TLN2: variants seen among roughly 807,000 people sequenced by gnomAD.
TLN2 encodes the protein talin 2, also known as talin-2.
In TLN2, 118 loss-of-function variants were observed where a neutral mutation model predicts 294.7. That is an observed-to-expected ratio of 0.40 (90% CI 0.34 to 0.47). The LOEUF (loss-of-function observed/expected upper bound fraction) is 0.47. Ranked by LOEUF, TLN2 falls within the 20% of genes least tolerant of loss-of-function variation. The pLI is 0.84. For synonymous variants in TLN2, 1,431 were observed against 1,304.5 expected, an observed-to-expected ratio of 1.10 and a Z score of -2.09; for missense variants, 3,083 against 3,282.2, an observed-to-expected ratio of 0.94 and a Z score of 1.48.
intron 2 of TLN2, among the ~76,000 whole-genome samples, chr15:62,598,426 C>T (rs1358038262): frequency 2.6e-5 from 4 of 152,078 alleles, no homozygotes; most frequent in Admixed American, 6.5e-5. Context: ...TTGTCCTTGT[C>T]GTGGGTGTGC....
At chr15:62,447,888 A>G (rs928222400) in intron 1 of TLN2, among the ~76,000 whole-genome samples, 1 of 152,152 alleles carries the variant, frequency 6.6e-6, no homozygotes, top group Non-Finnish European at 1.5e-5. Context: ...GTCCCATTAC[A>G]AGCCAATTCG....
intron 9 of TLN2, among the ~76,000 whole-genome samples, chr15:62,667,934 G>C (rs1024330647): frequency 6.6e-6 from 1 of 152,182 alleles, no homozygotes; most frequent in Non-Finnish European, 1.5e-5. Flanking sequence ...TATGTCCTCT[G>C]AGTGAAATAA....
At chr15:62,812,011 C>CAATG (rs1555517217) in intron 52 of TLN2, among the ~76,000 whole-genome samples, 1 of 130,676 alleles carries the variant, frequency 7.7e-6, no homozygotes, top group African/African-American at 2.9e-5. Flanking sequence ...GACTCCATCT[C>CAATG]AATAAATAAA....
chr15:62,675,422 A>G lies in TLN2; in HGVS notation c.957+101A>G. The G allele has an allele frequency of 3.3e-6, 4 of 1,203,952 alleles. No homozygotes were observed. In the South Asian group the frequency reaches 5.5e-5, roughly 17 times the overall value. The allele number at this position is 1,203,952 out of a possible 1,614,324, so 74.6% of individuals were successfully genotyped here. On this transcript the variant is annotated intron_variant, in intron 11 of 58. Transcript: ENST00000636159. ...CCTGGTTTGTCCTGCTCACCCCCCT[A>G]GCATTTGCGGGTGGAACATCTGGCT...
rs1031877387 is a variant in TLN2, at chr15:62,819,434, C to A, written c.6772-82C>A. On this transcript the variant is annotated intron_variant, in intron 52 of 58. Coordinates refer to ENST00000636159, the MANE Select transcript of TLN2 (RefSeq NM_015059.3). Reference sequence around the variant, plus strand: ...CTTAAAACCAGGCTGCCTGACTCCACATCCAGCAAGAGGAGTGTGCTTCTT... The same window carrying A: ...CTTAAAACCAGGCTGCCTGACTCCAAATCCAGCAAGAGGAGTGTGCTTCTT... 56 of 1,187,298 alleles carry A rather than the reference C, an allele frequency of 4.7e-5. No individual in the cohort carries two copies. In the African/African-American group the frequency reaches 7.1e-4, roughly 15 times the overall value. The allele number at this position is 1,187,298 out of a possible 1,614,324, so 73.5% of individuals were successfully genotyped here.
intron 40 of TLN2, among the ~76,000 whole-genome samples, chr15:62,766,095 G>C (rs759615620): frequency 6.6e-6 from 1 of 152,186 alleles, no homozygotes; most frequent in Non-Finnish European, 1.5e-5. Context: ...ACAGGAGCAA[G>C]AAGCCAGTTG....
At chr15:62,441,151 A>G (rs1419068094) in intron 1 of TLN2, among the ~76,000 whole-genome samples, 1 of 152,108 alleles carries the variant, frequency 6.6e-6, no homozygotes, top group East Asian at 1.9e-4. Flanking sequence ...ACAAGCAGAG[A>G]TGGATTGGTC....
chr15:62,495,960 A>C (rs1423414967), intron 1 of TLN2, among the ~76,000 whole-genome samples: 1 of 151,690 alleles, frequency 6.6e-6, no homozygotes, highest in Non-Finnish European at 1.5e-5. Context: ...AAAAAAAAAC[A>C]AAAACCAAAA....
chr15:62,554,858 A>G (rs1196143799), intron 1 of TLN2, among the ~76,000 whole-genome samples: 1 of 152,146 alleles, frequency 6.6e-6, no homozygotes, highest in East Asian at 1.9e-4. Context: ...CTCTAGCAAG[A>G]TGCCAGGAGT....
At chr15:62,554,126 A>G (rs1404429021) in intron 1 of TLN2, among the ~76,000 whole-genome samples, 1 of 151,942 alleles carries the variant, frequency 6.6e-6, no homozygotes, top group Non-Finnish European at 1.5e-5. Flanking sequence ...GCTTAATCTA[A>G]ATTATTACAA....
chr15:62,502,909 T>C (rs995786654), intron 1 of TLN2, among the ~76,000 whole-genome samples: 1 of 152,220 alleles, frequency 6.6e-6, no homozygotes, highest in Non-Finnish European at 1.5e-5. Context: ...CTTTTGGCTG[T>C]TAAAGAGCCC....
chr15:62,466,959 T>G (rs1346634066), intron 1 of TLN2, among the ~76,000 whole-genome samples: 3 of 152,234 alleles, frequency 2.0e-5, no homozygotes, highest in Non-Finnish European at 4.4e-5. Flanking sequence ...CAATGAGATT[T>G]CAGCATTCTG....
intron 1 of TLN2, among the ~76,000 whole-genome samples, chr15:62,559,480 A>C (rs559128425): frequency 2.6e-5 from 4 of 152,346 alleles, no homozygotes; most frequent in Admixed American, 2.6e-4. Context: ...TTTGGCTCAG[A>C]GTGAGCTGTG....
Position 62,692,957 on chromosome 15 carries a change from G to A in TLN2, c.1215+16G>A, listed in dbSNP as rs1224626361. On this transcript the variant is annotated intron_variant, in intron 13 of 58. Coordinates refer to ENST00000636159, the MANE Select transcript of TLN2 (RefSeq NM_015059.3). ...CCTGAAAAAGGTATTTTGTATTGAT[G>A]CAAATTGGAAAAGCAAGACGGCTTT... The A allele has an allele frequency of 1.3e-6, 2 of 1,594,574 alleles. No homozygotes were observed. The highest frequency in any genetic ancestry group is 1.4e-5 in the African/African-American group (1 of 73,870).
chr15:62,496,274 C>T (rs1324572703), intron 1 of TLN2, among the ~76,000 whole-genome samples: 1 of 152,202 alleles, frequency 6.6e-6, no homozygotes, highest in African/African-American at 2.4e-5. Context: ...GAGGCATGCC[C>T]AGAGAAGATT....
intron 45 of TLN2, among the ~76,000 whole-genome samples, chr15:62,786,532 C>T (rs1331016771): frequency 6.6e-6 from 1 of 152,152 alleles, no homozygotes; most frequent in African/African-American, 2.4e-5. Flanking sequence ...AGAAAGAACT[C>T]GAGATCCTAT....
intron 28 of TLN2, among the ~76,000 whole-genome samples, chr15:62,728,834 A>G (rs1176260887): frequency 6.6e-6 from 1 of 152,070 alleles, no homozygotes; most frequent in East Asian, 1.9e-4. Context: ...GTGCCTTTTG[A>G]TGAACAAAAG....
intron 1 of TLN2, among the ~76,000 whole-genome samples, chr15:62,572,850 C>T (rs2044009744): frequency 6.6e-6 from 1 of 152,036 alleles, no homozygotes; most frequent in Admixed American, 6.5e-5. Context: ...GAATCCCGCA[C>T]TCTGTGCTTG....
intron 1 of TLN2, among the ~76,000 whole-genome samples, chr15:62,409,195 A>C (rs1054728270): frequency 6.7e-6 from 1 of 150,134 alleles, no homozygotes; most frequent in African/African-American, 2.5e-5. Context: ...CCAGTCTCTA[A>C]CTCCTGAGCT....
Sources: gnomAD v4.1 joint callset for allele counts (sites outside exome capture counted in the v4.1 genomes callset) on GRCh38, gnomAD v4.1.1 for gene constraint, MANE v1.5 for transcripts, NCBI Gene and HGNC (gene_info 2026-07-23, HGNC 2026-07-21) for gene names.